DIPK1A: variants seen among roughly 807,000 people sequenced by gnomAD.
DIPK1A encodes the protein family with sequence similarity 69 member A.
Under a neutral mutation model 40.8 loss-of-function variants are expected in DIPK1A, and 27 were observed. The ratio of observed to expected loss-of-function variants is 0.66; its 90% CI spans 0.49 to 0.91. The LOEUF (loss-of-function observed/expected upper bound fraction) is 0.91. Ranked by LOEUF, DIPK1A falls within the 40% of genes least tolerant of loss-of-function variation. DIPK1A has a pLI of 0.00. For missense variants in DIPK1A, 412 were observed against 505.7 expected, an observed-to-expected ratio of 0.81 and a Z score of 1.78; for synonymous variants, 166 against 171.3, an observed-to-expected ratio of 0.97 and a Z score of 0.24.
Position 92,842,336 on chromosome 1 carries a change from A to G in DIPK1A, c.*1047T>C, listed in dbSNP as rs1687400553. ...CCACTTTAGGTAGGCGAAACCTTTG[A>G]GCAGAAAATAGTGGTTCTTTTCTCC... On this transcript the variant is annotated 3_prime_UTR_variant, in exon 5 of 5. Transcript: ENST00000370310. 1 of 985,816 alleles carries G rather than the reference A, an allele frequency of 1.0e-6. No homozygotes were observed. The highest frequency in any genetic ancestry group is 1.7e-5 in the African/African-American group (1 of 57,234). 61.1% of individuals were successfully genotyped at this position (985,816 alleles called of 1,614,324 possible).
chr1:92,844,524 C>T (rs548995131), intron 4 of DIPK1A, among the ~76,000 whole-genome samples: 39 of 152,162 alleles, frequency 2.6e-4, no homozygotes, highest in Non-Finnish European at 5.0e-4. Flanking sequence ...AAACCACCGC[C>T]TCATATGTGG....
rs375193785 is a variant in DIPK1A, at chr1:92,883,426, T to G, written c.55-6996A>C. Among the ~76,000 whole-genome samples, 103 of 152,336 alleles carry G rather than the reference T, an allele frequency of 6.8e-4. 1 individual carries two copies. The South Asian group carries it at 0.01, about 15-fold the overall frequency. ...TTCTATTGCTGTATAACAAACCATC[T>G]AAAAACTTGGAGGCTTAAAATAACT... On this transcript the variant is annotated intron_variant, in intron 1 of 4. Coordinates refer to ENST00000370310, the MANE Select transcript of DIPK1A (RefSeq NM_001006605.5).
At chr1:92,917,632 A>G (rs138361885) in intron 1 of DIPK1A, among the ~76,000 whole-genome samples, 9 of 152,346 alleles carry the variant, frequency 5.9e-5, no homozygotes, top group East Asian at 1.9e-4. Context: ...TTGAATTTAC[A>G]TAAGTGTAAA....
At chr1:92,857,701 G>A (rs772874995) in intron 2 of DIPK1A, among the ~76,000 whole-genome samples, 2 of 152,042 alleles carry the variant, frequency 1.3e-5, no homozygotes, top group Non-Finnish European at 2.9e-5. Context: ...ATCTCCCTAT[G>A]GAATAGGTAT....
At chr1:92,933,586 T>C (rs1650842386) in intron 1 of DIPK1A, 1 of 152,106 alleles carries the variant, frequency 6.6e-6, no homozygotes, top group African/African-American at 2.4e-5. Flanking sequence ...ATCACTGATA[T>C]CTTGGGCAAG....
At chr1:92,912,003 CAAAAAAAAAAA>C (rs5776162) in intron 1 of DIPK1A, among the ~76,000 whole-genome samples, 9 of 43,672 alleles carry the variant, frequency 2.1e-4, no homozygotes, top group East Asian at 1.6e-3. Flanking sequence ...GACTCCATCT[CAAAAAAAAAAA>C]AAAAAAAAAA....
intron 1 of DIPK1A, among the ~76,000 whole-genome samples, chr1:92,897,656 TA>T (rs11291163): frequency 0.69 from 103,907 of 151,426 alleles, 36,126 homozygotes; most frequent in East Asian, 0.95. Flanking sequence ...TAAAGTATAA[TA>T]AAAAAAAAAT....
chr1:92,913,317 C>A (rs1004983365), intron 1 of DIPK1A, among the ~76,000 whole-genome samples: 20 of 152,072 alleles, frequency 1.3e-4, no homozygotes, highest in African/African-American at 4.8e-4. Context: ...AAGTTGACAG[C>A]AGCCCTGTAT....
chr1:92,832,859 T>C, exon 5 of DIPK1A: 1 of 611,152 alleles, frequency 1.6e-6, no homozygotes, highest in Non-Finnish European at 2.9e-6. Context: ...TTGTGGCAGG[T>C]AATTTAGGCT....
chr1:92,949,169 C>T (rs1403395676), intron 1 of DIPK1A, among the ~76,000 whole-genome samples: 1 of 151,960 alleles, frequency 6.6e-6, no homozygotes, highest in African/African-American at 2.4e-5. Flanking sequence ...CCCACTCCCA[C>T]CCCCAAAATT....
chr1:92,948,397 T>C (rs1408603603), intron 1 of DIPK1A, among the ~76,000 whole-genome samples: 2 of 152,046 alleles, frequency 1.3e-5, no homozygotes, highest in Non-Finnish European at 2.9e-5. Flanking sequence ...ATATGTACAA[T>C]TATGTGTCAA....
At chr1:92,833,474 T>C (rs1436058368) in intron 4 of DIPK1A, 1 of 1,613,720 alleles carries the variant, frequency 6.2e-7, no homozygotes, top group Non-Finnish European at 8.5e-7. Flanking sequence ...GTCACCTTTT[T>C]GTGTTTACAA....
intron 2 of DIPK1A, among the ~76,000 whole-genome samples, chr1:92,871,826 G>T (rs1224001889): frequency 2.0e-5 from 3 of 151,984 alleles, no homozygotes; most frequent in African/African-American, 7.2e-5. Flanking sequence ...ATATTCCATT[G>T]TATCTATATA....
At chr1:92,848,564 C>G (rs189139458) in intron 3 of DIPK1A, among the ~76,000 whole-genome samples, 1 of 152,232 alleles carries the variant, frequency 6.6e-6, no homozygotes, top group South Asian at 2.1e-4. Flanking sequence ...ATTTAGAAAG[C>G]CTTCCCTGAC....
At chr1:92,905,260 C>T (rs1455612153) in intron 1 of DIPK1A, among the ~76,000 whole-genome samples, 4 of 152,134 alleles carry the variant, frequency 2.6e-5, no homozygotes, top group Non-Finnish European at 5.9e-5. Context: ...TACTAACCTA[C>T]ATTCCCATCA....
At chr1:92,835,288 A>C in intron 4 of DIPK1A, 1 of 345,432 alleles carries the variant, frequency 2.9e-6, no homozygotes, top group South Asian at 2.5e-5. Context: ...GACTCGTGGG[A>C]ACTCCACTCT....
chr1:92,957,814 G>A (rs1448214139), intron 1 of DIPK1A, among the ~76,000 whole-genome samples: 1 of 152,084 alleles, frequency 6.6e-6, no homozygotes, highest in East Asian at 1.9e-4. Context: ...CACATACTTG[G>A]GCAACCATCA....
At chr1:92,938,770 C>T (rs1571142199) in intron 1 of DIPK1A, among the ~76,000 whole-genome samples, 1 of 152,218 alleles carries the variant, frequency 6.6e-6, no homozygotes, top group East Asian at 1.9e-4. Flanking sequence ...TCAATCATCA[C>T]CTCACTGGTA....
intron 1 of DIPK1A, among the ~76,000 whole-genome samples, chr1:92,890,234 CTA>C (rs1223125502): frequency 6.6e-6 from 1 of 152,068 alleles, no homozygotes; most frequent in Admixed American, 6.6e-5. Context: ...TTAGAGTTTT[CTA>C]TATATAAGAT....
Sources: gnomAD v4.1 joint callset for allele counts (sites outside exome capture counted in the v4.1 genomes callset) on GRCh38, gnomAD v4.1.1 for gene constraint, MANE v1.5 for transcripts, NCBI Gene and HGNC (gene_info 2026-07-23, HGNC 2026-07-21) for gene names.